Variants in BCL11B observed in about 807,000 individuals in gnomAD.
BCL11B encodes B-cell lymphoma/leukemia 11B.
A neutral mutation model predicts 49.9 loss-of-function variants in BCL11B; 8 were observed. The observed-to-expected ratio is 0.16, with a 90% CI of 0.09 to 0.29. BCL11B has a LOEUF of 0.29. Ranked by LOEUF, BCL11B falls within the 10% of genes least tolerant of loss-of-function variation. The pLI, the probability that BCL11B is intolerant of heterozygous loss-of-function variation, is 1.00. For synonymous variants in BCL11B, 739 were observed against 637.4 expected (o/e 1.16, Z -2.40); for missense variants, 1,006 against 1,351.0 (o/e 0.74, Z 4.00).
At chr14:99,188,233 T>A (rs1479866571) in intron 3 of BCL11B, among the ~76,000 whole-genome samples, 1 of 152,206 alleles carries the variant, frequency 6.6e-6, no homozygotes, top group Non-Finnish European at 1.5e-5. Flanking sequence ...TTGTGGAGAA[T>A]GTTTGAATAT....
chr14:99,182,936 G>A (rs1418196235), intron 3 of BCL11B, among the ~76,000 whole-genome samples: 1 of 152,236 alleles, frequency 6.6e-6, no homozygotes, highest in Non-Finnish European at 1.5e-5. Context: ...TGGTAGCACT[G>A]TGTGTTCTGC....
chr14:99,212,570 A>G (rs1887718736), intron 3 of BCL11B, among the ~76,000 whole-genome samples: 1 of 152,176 alleles, frequency 6.6e-6, no homozygotes, highest in Admixed American at 6.5e-5. Context: ...CAGGACAGCC[A>G]GGGAGACAGG....
Position 99,262,166 on chromosome 14 carries a change from A to G in BCL11B, c.59-4327T>C, listed in dbSNP as rs1263068994. The stretch of plus-strand genomic sequence containing the variant: ...AAGCCCCCAGCAGCTGCAAGCTTTC[A>G]GCAGGGCCTTACCTGGCCAGTGACT... On this transcript the variant is annotated intron_variant, in intron 1 of 3. Coordinates refer to ENST00000357195, the MANE Select transcript of BCL11B (RefSeq NM_138576.4). The surrounding 1 kb of genome is among the most constrained non-coding windows in gnomAD (Gnocchi z 4.2). Among the ~76,000 whole-genome samples, 1 of 152,230 alleles carries G rather than the reference A, an allele frequency of 6.6e-6. No homozygotes were observed. Among genetic ancestry groups the G allele is most frequent in the African/African-American group, 2.4e-5 (1 of 41,464 alleles).
At position 99,175,564 on chromosome 14, in the gene BCL11B, G is replaced by A; in HGVS notation, c.1272C>T (p.Ala424=). ...CGCAGAACTCGCACGACTTGCTCTTGGCTGGCGGCTGCGGGGGCGGCGTGC... is the reference window on the plus strand; with the variant it reads ...CGCAGAACTCGCACGACTTGCTCTTAGCTGGCGGCTGCGGGGGCGGCGTGC... ...PGGTPPPQPP[A]KSKSCEFCGK... is the part of the protein sequence containing the mutation. The change falls in exon 4 of 4, where the codon GCC becomes GCT. Residue 424 remains alanine (A), a synonymous_variant. Transcript: ENST00000357195. 1.9e-6 allele frequency: 3 copies of A among 1,593,638 alleles called. No homozygotes were observed. In the Admixed American group the frequency reaches 5.1e-5, roughly 27 times the overall value.
intron 1 of BCL11B, among the ~76,000 whole-genome samples, chr14:99,261,253 C>T (rs892243236): frequency 3.3e-5 from 5 of 152,218 alleles, no homozygotes; most frequent in Admixed American, 6.5e-5. Flanking sequence ...TAGACACCCC[C>T]AAAGACTGTG....
rs2487508 is a variant in BCL11B, at chr14:99,176,398, G to A, written c.641-203C>T. 2.0e-3 allele frequency among the ~76,000 whole-genome samples: 309 copies of A among 152,292 alleles called. 2 individuals carry two copies. Among genetic ancestry groups the A allele is most frequent in the South Asian group, 8.9e-3 (43 of 4,828 alleles). The stretch of plus-strand genomic sequence containing the variant: ...TGGGGGGCCGAAGACGCAGGTCTGT[G>A]GGCGGGCCGCCCTGGCCACCCGGGC... On this transcript the variant is annotated intron_variant, in intron 3 of 3. Coordinates refer to ENST00000357195, the MANE Select transcript of BCL11B (RefSeq NM_138576.4).
rs1384630396 is a variant in BCL11B at position 99,213,417 on chromosome 14, C to G, written c.640+17928G>C. Among the ~76,000 whole-genome samples the G allele has an allele frequency of 6.6e-6, 1 of 152,170 alleles. No homozygotes were observed. The highest frequency in any genetic ancestry group is 2.4e-5 in the African/African-American group (1 of 41,442). On this transcript the variant is annotated intron_variant, in intron 3 of 3. Coordinates refer to ENST00000357195, the MANE Select transcript of BCL11B (RefSeq NM_138576.4). The surrounding 1 kb of genome is among the most constrained non-coding windows in gnomAD (Gnocchi z 5.1). ...TGGATTAACATGAATGCGACGTTTCCCCTCCAAAAATTCGAGGAACACCAA... is the reference window on the plus strand; with the variant it reads ...TGGATTAACATGAATGCGACGTTTCGCCTCCAAAAATTCGAGGAACACCAA...
At chr14:99,187,771 G>C (rs1187878622) in intron 3 of BCL11B, among the ~76,000 whole-genome samples, 1 of 54,718 alleles carries the variant, frequency 1.8e-5, no homozygotes, top group African/African-American at 5.7e-5. Context: ...AGCACCCCAT[G>C]CAGGCCTTCC....
chr14:99,231,632 T>C lies in BCL11B; in HGVS notation c.428-75A>G. ...TGAGGGGCACGGGGTGGGACGGGGC[T>C]CGGGGCGTGGGGCTCTGCTCAGGCC... On this transcript the variant is annotated intron_variant, in intron 2 of 3. Transcript: ENST00000357195. This position sits in a 1 kb window ranked among gnomAD's most constrained non-coding sequence, Gnocchi z 8.1. 6.5e-6 allele frequency: 8 copies of C among 1,231,578 alleles called. No individual in the cohort carries two copies. Among genetic ancestry groups the C allele is most frequent in the Non-Finnish European group, 9.1e-6 (8 of 876,202 alleles). The allele number at this position is 1,231,578 out of a possible 1,614,324, so 76.3% of individuals were successfully genotyped here.
Position 99,232,470 on chromosome 14 carries a change from G to A in BCL11B, c.428-913C>T, listed in dbSNP as rs923032354. On this transcript the variant is annotated intron_variant, in intron 2 of 3. Coordinates refer to ENST00000357195, the MANE Select transcript of BCL11B (RefSeq NM_138576.4). This position sits in a 1 kb window ranked among gnomAD's most constrained non-coding sequence, Gnocchi z 5.1. ...TTCCCTGGGTAAATAATTGAGCAGG[G>A]AAGCATCAGAGAGACAAAAAGGAAA... Among the ~76,000 whole-genome samples the A allele has an allele frequency of 1.3e-5, 2 of 152,246 alleles. No homozygotes were observed. Among genetic ancestry groups the A allele is most frequent in the African/African-American group, 4.8e-5 (2 of 41,480 alleles).
At chr14:99,267,882 C>A (rs1889532439) in intron 1 of BCL11B, among the ~76,000 whole-genome samples, 1 of 152,190 alleles carries the variant, frequency 6.6e-6, no homozygotes, top group South Asian at 2.1e-4. Flanking sequence ...ACTGGGGTTA[C>A]GCAGTTTACC....
intron 3 of BCL11B, among the ~76,000 whole-genome samples, chr14:99,196,308 G>A (rs1375334361): frequency 6.6e-6 from 1 of 152,204 alleles, no homozygotes; most frequent in African/African-American, 2.4e-5. Context: ...AGTGAGGACA[G>A]CAGTGTTCTG....
intron 3 of BCL11B, among the ~76,000 whole-genome samples, chr14:99,181,713 G>A (rs1335510735): frequency 6.6e-6 from 1 of 152,186 alleles, no homozygotes; most frequent in Non-Finnish European, 1.5e-5. Context: ...AGCCTGCGGG[G>A]TATGACACGT....
chr14:99,175,729 C>G lies in BCL11B; in HGVS notation c.1107G>C (p.Glu369Asp). 6.7e-7 allele frequency: 1 copy of G among 1,482,334 alleles called. No individual in the cohort carries two copies. The highest frequency in any genetic ancestry group is 8.8e-7 in the Non-Finnish European group (1 of 1,132,618). The allele number at this position is 1,482,334 out of a possible 1,614,324, so 91.8% of individuals were successfully genotyped here. A position where few individuals can be genotyped will look rare whatever the true frequency, so the allele number is the denominator to read the frequency against. The change falls in exon 4 of 4, where the codon GAG becomes GAC. Residue 369 changes from glutamate to aspartate, a missense_variant. Physicochemically the swap from Glu to Asp is conservative, Grantham distance 45. Transcript: ENST00000357195. ...PAMDFSRRLR[E>D]LAGNSSTPPP... is the part of the protein sequence containing the mutation. ...GCGGCGTGGAGCTGTTGCCCGCCAG[C>G]TCGCGGAGCCGCCGCGAGAAGTCCA...
rs1348208729 is a variant in BCL11B, at chr14:99,184,068, C to T, written c.641-7873G>A. Among the ~76,000 whole-genome samples the T allele has an allele frequency of 6.6e-6, 1 of 152,138 alleles. No individual in the cohort carries two copies. Among genetic ancestry groups the T allele is most frequent in the Non-Finnish European group, 1.5e-5 (1 of 68,018 alleles). On this transcript the variant is annotated intron_variant, in intron 3 of 3. Coordinates refer to ENST00000357195, the MANE Select transcript of BCL11B (RefSeq NM_138576.4). This position sits in a 1 kb window ranked among gnomAD's most constrained non-coding sequence, Gnocchi z 6.1. ...TCCCAAATCACAGAGCTGGTGGGGC[C>T]TCCCTGATACCCAGGACGATGTATC...
At chr14:99,217,894 C>T (rs1452917679) in intron 3 of BCL11B, among the ~76,000 whole-genome samples, 2 of 152,196 alleles carry the variant, frequency 1.3e-5, no homozygotes, top group African/African-American at 4.8e-5. Flanking sequence ...TCCCTGAAAA[C>T]ATGCACCATG....
At chr14:99,237,505 G>A (rs1430089124) in intron 2 of BCL11B, among the ~76,000 whole-genome samples, 1 of 152,042 alleles carries the variant, frequency 6.6e-6, no homozygotes, top group East Asian at 1.9e-4. Context: ...TGCCAGGCAG[G>A]GCGATGGAGC....
chr14:99,174,782 G>A lies in BCL11B; in HGVS notation c.2054C>T (p.Ala685Val), dbSNP rs1330526377. 2.0e-6 allele frequency: 3 copies of A among 1,464,174 alleles called. No homozygotes were observed. The highest frequency in any genetic ancestry group is 5.5e-5 in the East Asian group (2 of 36,364). The allele number at this position is 1,464,174 out of a possible 1,614,324, so 90.7% of individuals were successfully genotyped here. The change falls in exon 4 of 4, where the codon GCC (alanine) becomes GTC (valine). Residue 685 changes from alanine (A) to valine (V), a missense_variant. Transcript: ENST00000357195. ...GTCCTTCTCCACCTTGATGCGCTTGGCGGCGCTGTTGAGCCCGGGGCTGGG... is the reference window on the plus strand; with the variant it reads ...GTCCTTCTCCACCTTGATGCGCTTGACGGCGCTGTTGAGCCCGGGGCTGGG... ...PLPSPGLNSA[A>V]KRIKVEKDLE...
At chr14:99,196,096 T>C (rs986506046) in intron 3 of BCL11B, among the ~76,000 whole-genome samples, 7 of 151,940 alleles carry the variant, frequency 4.6e-5, no homozygotes, top group African/African-American at 1.7e-4. Flanking sequence ...GGCAGCTGGG[T>C]GGTGGGGCTG....
Sources: allele counts gnomAD v4.1 joint callset (sites outside exome capture counted in the v4.1 genomes callset), GRCh38; gene constraint gnomAD v4.1.1; non-coding constraint Gnocchi (gnomAD v3.1); transcripts MANE v1.5; gene names NCBI Gene and HGNC (gene_info 2026-07-23, HGNC 2026-07-21).